SUSD4: variants seen among roughly 807,000 people sequenced by gnomAD.
SUSD4 encodes the protein sushi domain containing 4.
SUSD4 carries 41 observed loss-of-function variants against 50.5 expected under a neutral mutation model. That is an observed-to-expected ratio of 0.81 (90% CI 0.63 to 1.05). The LOEUF is 1.05. Among genes scored for constraint, SUSD4 ranks in the 50% least tolerant of loss-of-function variants. SUSD4 has a pLI of 0.00. For synonymous variants in SUSD4, 257 were observed against 257.3 expected (o/e 1.00, Z 0.01); for missense variants, 580 against 634.7 (o/e 0.91, Z 0.93).
chr1:223,291,122 A>C (rs1354637923), intron 3 of SUSD4, among the ~76,000 whole-genome samples: 2 of 152,142 alleles, frequency 1.3e-5, no homozygotes, highest in Non-Finnish European at 2.9e-5. Flanking sequence ...CAAAGATAGC[A>C]AGTACTTTAA....
chr1:223,363,843 T>G (rs1669154442), intron 1 of SUSD4: 1 of 160,774 alleles, frequency 6.2e-6, no homozygotes, highest in Non-Finnish European at 1.4e-5. Flanking sequence ...TCTGGGAATC[T>G]CACAATGTGG....
intron 3 of SUSD4, among the ~76,000 whole-genome samples, chr1:223,284,304 G>T (rs1265497267): frequency 6.6e-6 from 1 of 152,162 alleles, no homozygotes; most frequent in East Asian, 1.9e-4. Context: ...TTGGGTATGG[G>T]CCTGGGGCCA....
In SUSD4 at chr1:223,281,825, T is replaced by C. The variant is rs543464003; in HGVS notation, c.361+10614A>G. Among the ~76,000 whole-genome samples the C allele has an allele frequency of 1.1e-3, 167 of 152,244 alleles. 1 individual carries two copies. The highest frequency in any genetic ancestry group is 0.011 in the Admixed American group (166 of 15,294). ...GACCAATATCCCTGATAAACATCGA[T>C]GCAAAAATCCTCAATAAAATACTGG... On this transcript the variant is annotated intron_variant, in intron 3 of 8. Transcript: ENST00000366878.
chr1:223,331,470 TC>T (rs1480287499), intron 2 of SUSD4, among the ~76,000 whole-genome samples: 1 of 152,016 alleles, frequency 6.6e-6, no homozygotes, highest in African/African-American at 2.4e-5. Context: ...TGAACCTGTG[TC>T]CCCCTGTGGT....
rs564001101 is a variant in SUSD4, at chr1:223,240,475, T to G, written c.725-11087A>C. On this transcript the variant is annotated intron_variant, in intron 5 of 8. Coordinates refer to ENST00000366878, the MANE Select transcript of SUSD4 (RefSeq NM_017982.4). Reference sequence around the variant, plus strand: ...TCCCACAGTCCTCGGATATTCTGGGTTTTTTTTTCAGTCTTTGTTCTGTTT... The same window carrying G: ...TCCCACAGTCCTCGGATATTCTGGGGTTTTTTTTCAGTCTTTGTTCTGTTT... Among the ~76,000 whole-genome samples the G allele has an allele frequency of 3.3e-4, 50 of 151,598 alleles. No homozygotes were observed. In the East Asian group the frequency reaches 7.6e-3, roughly 23 times the overall value.
Position 223,229,978 on chromosome 1 carries a change from G to A in SUSD4, c.725-590C>T, listed in dbSNP as rs1659783044. On this transcript the variant is annotated intron_variant, in intron 5 of 8. Coordinates refer to ENST00000366878, the MANE Select transcript of SUSD4 (RefSeq NM_017982.4). The surrounding 1 kb of genome is among the most constrained non-coding windows in gnomAD (Gnocchi z 4.7). The stretch of plus-strand genomic sequence containing the variant: ...GTTAGGTGCCTTGGGCATGAGGCTT[G>A]GTTCTGCCACCAACACCACACTGTG... Among the ~76,000 whole-genome samples, 1 of 152,160 alleles carries A rather than the reference G, an allele frequency of 6.6e-6. No individual in the cohort carries two copies.
intron 2 of SUSD4, among the ~76,000 whole-genome samples, chr1:223,347,736 GTAAA>G (rs1418462520): frequency 8.7e-5 from 6 of 68,664 alleles, no homozygotes; most frequent in Non-Finnish European, 1.2e-4. Context: ...TTTACAATAA[GTAAA>G]TAAAGGCTTG....
At chr1:223,286,010 C>T (rs745620011) in intron 3 of SUSD4, among the ~76,000 whole-genome samples, 7 of 152,116 alleles carry the variant, frequency 4.6e-5, no homozygotes, top group Non-Finnish European at 8.8e-5. Context: ...ACAAAAAGTC[C>T]GGGGAAAAAA....
upstream of SUSD4, among the ~76,000 whole-genome samples, chr1:223,364,766 C>A (rs1394582071): frequency 6.6e-6 from 1 of 152,006 alleles, no homozygotes; most frequent in Non-Finnish European, 1.5e-5. This position sits in a 1 kb window ranked among gnomAD's most constrained non-coding sequence, Gnocchi z 4.5. Flanking sequence ...AGCTCCCAAC[C>A]CCAGAACTCT....
intron 2 of SUSD4, among the ~76,000 whole-genome samples, chr1:223,358,269 T>C (rs1668778451): frequency 6.6e-6 from 1 of 151,958 alleles, no homozygotes; most frequent in Non-Finnish European, 1.5e-5. Context: ...GATGGATGGA[T>C]GGGTGGGAAA....
At chr1:223,236,626 T>C (rs975868481) in intron 5 of SUSD4, among the ~76,000 whole-genome samples, 1 of 152,066 alleles carries the variant, frequency 6.6e-6, no homozygotes, top group African/African-American at 2.4e-5. Flanking sequence ...TGTTCCATTA[T>C]ATTGCCTTTG....
chr1:223,360,678 A>G (rs532081654), intron 2 of SUSD4, among the ~76,000 whole-genome samples: 49 of 151,800 alleles, frequency 3.2e-4, no homozygotes, highest in Non-Finnish European at 6.0e-4. Flanking sequence ...TACTGGGCAC[A>G]TGCTTTTTTT....
intron 3 of SUSD4, among the ~76,000 whole-genome samples, chr1:223,285,503 G>A (rs1441688286): frequency 9.2e-5 from 14 of 152,236 alleles, no homozygotes; most frequent in Non-Finnish European, 8.8e-5. Flanking sequence ...CCAAAGCAAC[G>A]ATAAGGTATG....
At chr1:223,287,071 C>G (rs1258242794) in intron 3 of SUSD4, among the ~76,000 whole-genome samples, 1 of 152,134 alleles carries the variant, frequency 6.6e-6, no homozygotes, top group African/African-American at 2.4e-5. Flanking sequence ...ACAGAGGTAG[C>G]TTTGTTTGTT....
At chr1:223,282,584 A>T (rs1257097537) in intron 3 of SUSD4, among the ~76,000 whole-genome samples, 1 of 152,226 alleles carries the variant, frequency 6.6e-6, no homozygotes. Context: ...TCAACGAAAT[A>T]AAAGAGGATA....
At chr1:223,271,069 A>G (rs1376899766) in intron 3 of SUSD4, among the ~76,000 whole-genome samples, 1 of 151,860 alleles carries the variant, frequency 6.6e-6, no homozygotes, top group African/African-American at 2.4e-5. Context: ...CAGCAAATAA[A>G]AACACATTTA....
At chr1:223,355,384 A>G (rs998352572) in intron 2 of SUSD4, among the ~76,000 whole-genome samples, 4 of 151,646 alleles carry the variant, frequency 2.6e-5, no homozygotes, top group African/African-American at 9.7e-5. Context: ...ACACCCAGCT[A>G]ATTTTTGTAC....
intron 2 of SUSD4, among the ~76,000 whole-genome samples, chr1:223,354,865 G>C (rs1389678471): frequency 6.6e-6 from 1 of 152,200 alleles, no homozygotes; most frequent in Admixed American, 6.5e-5. Context: ...TCTATGTACT[G>C]AGAATCTGAA....
At chr1:223,268,038 TATATACAC>T (rs1183747883) in intron 4 of SUSD4, among the ~76,000 whole-genome samples, 1 of 93,392 alleles carries the variant, frequency 1.1e-5, no homozygotes, top group African/African-American at 3.5e-5. Flanking sequence ...TATATATATA[TATATACAC>T]ACACACTGTT....
Sources: gnomAD v4.1 joint callset for allele counts (sites outside exome capture counted in the v4.1 genomes callset) on GRCh38, gnomAD v4.1.1 for gene constraint, Gnocchi (gnomAD v3.1) non-coding constraint, MANE v1.5 for transcripts, NCBI Gene and HGNC (gene_info 2026-07-23, HGNC 2026-07-21) for gene names.